The following KALRN variants were observed in gnomAD, a reference collection of about 807,000 sequenced individuals.
The protein encoded by KALRN is kalirin RhoGEF kinase.
A neutral mutation model predicts 353.7 loss-of-function variants in KALRN; 70 were observed. That is an observed-to-expected ratio of 0.20 (90% confidence interval 0.16 to 0.24). The LOEUF is 0.24. Ranked by LOEUF, KALRN falls within the 10% of genes least tolerant of loss-of-function variation. KALRN has a pLI of 1.00. For missense variants in KALRN, 2,791 were observed against 3,756.7 expected (o/e 0.74, Z 6.72); for synonymous variants, 1,391 against 1,434.8 (o/e 0.97, Z 0.69).
At chr3:124,703,874 T>A (rs1369896337) in intron 57 of KALRN, among the ~76,000 whole-genome samples, 1 of 152,132 alleles carries the variant, frequency 6.6e-6, no homozygotes, top group Non-Finnish European at 1.5e-5. Flanking sequence ...CTCACTATGT[T>A]GCCCAGGCTG....
At chr3:124,164,458 A>G (rs180912865) in intron 1 of KALRN, 1 of 152,346 alleles carries the variant, frequency 6.6e-6, no homozygotes, top group East Asian at 1.9e-4. Context: ...TGTTGCTTCA[A>G]ACTCTCTATT....
chr3:124,403,042 C>T (rs958181814), intron 13 of KALRN, among the ~76,000 whole-genome samples: 3 of 152,074 alleles, frequency 2.0e-5, no homozygotes. Context: ...TAACTGGACA[C>T]ATGAAAAAAA....
intron 34 of KALRN, among the ~76,000 whole-genome samples, chr3:124,588,277 G>A (rs2075415137): frequency 6.6e-6 from 1 of 152,164 alleles, no homozygotes; most frequent in Non-Finnish European, 1.5e-5. Context: ...GCTTTGACTA[G>A]CTAGACTGTC....
chr3:124,594,820 A>G (rs2076125887), intron 34 of KALRN, among the ~76,000 whole-genome samples: 1 of 152,146 alleles, frequency 6.6e-6, no homozygotes, highest in Non-Finnish European at 1.5e-5. Context: ...CTGGAGCCTC[A>G]GGATTTACCC....
chr3:124,272,473 C>T (rs925113392), intron 5 of KALRN, among the ~76,000 whole-genome samples: 1 of 152,026 alleles, frequency 6.6e-6, no homozygotes, highest in Non-Finnish European at 1.5e-5. Flanking sequence ...ATATATGATC[C>T]CTGAATTCTA....
chr3:124,556,132 A>G (rs1196850939), intron 33 of KALRN, among the ~76,000 whole-genome samples: 1 of 152,170 alleles, frequency 6.6e-6, no homozygotes, highest in Admixed American at 6.5e-5. Context: ...CATTCTTCCC[A>G]CTATTAATTA....
intron 1 of KALRN, among the ~76,000 whole-genome samples, chr3:124,122,364 A>T (rs2064127753): frequency 6.6e-6 from 1 of 152,100 alleles, no homozygotes; most frequent in Non-Finnish European, 1.5e-5. Flanking sequence ...GCATTTTTAT[A>T]ATGATATGCA....
chr3:124,421,031 T>C (rs1450584731), intron 14 of KALRN, among the ~76,000 whole-genome samples: 1 of 152,174 alleles, frequency 6.6e-6, no homozygotes, highest in Non-Finnish European at 1.5e-5. Flanking sequence ...CTGAACCCCA[T>C]CATTGGTTAG....
At chr3:124,439,224 A>ACACACACACACACC (rs2093594700) in intron 18 of KALRN, among the ~76,000 whole-genome samples, 187 bp downstream of exon 18, 1 of 150,992 alleles carries the variant, frequency 6.6e-6, no homozygotes, top group East Asian at 1.9e-4. Flanking sequence ...ACACACACAC[A>ACACACACACACACC]CACACACACA....
chr3:124,460,050 G>A (rs1034232339), intron 23 of KALRN, among the ~76,000 whole-genome samples: 1 of 152,198 alleles, frequency 6.6e-6, no homozygotes, highest in Admixed American at 6.5e-5. Flanking sequence ...CTCTCTCCTT[G>A]ATAGCTTGTA....
At chr3:124,037,595 A>T (rs892182111) in intron 1 of KALRN, among the ~76,000 whole-genome samples, 1 of 152,198 alleles carries the variant, frequency 6.6e-6, no homozygotes, top group Non-Finnish European at 1.5e-5. Flanking sequence ...ATATGATTTA[A>T]TAAGTGGAGA....
At chr3:124,391,398 C>T (rs1307925116) in intron 11 of KALRN, among the ~76,000 whole-genome samples, 2 of 152,138 alleles carry the variant, frequency 1.3e-5, no homozygotes, top group African/African-American at 4.8e-5. Flanking sequence ...GTTGCTGCTG[C>T]CAAGCTACCT....
At chr3:124,701,474 A>T (rs1406155203) in intron 56 of KALRN, among the ~76,000 whole-genome samples, 4 of 143,560 alleles carry the variant, frequency 2.8e-5, no homozygotes, top group African/African-American at 5.3e-5. Flanking sequence ...TGCAGCCTCG[A>T]CCTCCTGAGC....
intron 21 of KALRN, among the ~76,000 whole-genome samples, chr3:124,452,036 A>G (rs2058835319): frequency 6.6e-6 from 1 of 152,254 alleles, no homozygotes; most frequent in Non-Finnish European, 1.5e-5. Flanking sequence ...AGGACACCTC[A>G]GAAGTCACTG....
intron 1 of KALRN, among the ~76,000 whole-genome samples, chr3:124,188,570 C>A (rs374854588): frequency 1.3e-5 from 2 of 152,122 alleles, no homozygotes; most frequent in African/African-American, 4.8e-5. Flanking sequence ...AGCAGTGGGT[C>A]TTGTAATTAA....
chr3:124,136,942 G>C (rs188849937), intron 1 of KALRN, among the ~76,000 whole-genome samples: 1 of 152,130 alleles, frequency 6.6e-6, no homozygotes, highest in Non-Finnish European at 1.5e-5. Context: ...GGTGGGGAGC[G>C]AGGCCCTGAG....
intron 51 of KALRN, among the ~76,000 whole-genome samples, chr3:124,685,277 C>A (rs539394354): frequency 6.6e-6 from 1 of 152,210 alleles, no homozygotes; most frequent in East Asian, 1.9e-4. Flanking sequence ...TTATATTCCG[C>A]CACCAAGAGA....
chr3:124,232,789 T>C (rs1287484792), intron 2 of KALRN, among the ~76,000 whole-genome samples: 1 of 152,088 alleles, frequency 6.6e-6, no homozygotes, highest in African/African-American at 2.4e-5. Flanking sequence ...CCAAACTTCC[T>C]ATTCACTATT....
At chr3:124,210,611 AG>A (rs930183810) in intron 1 of KALRN, among the ~76,000 whole-genome samples, 5 of 152,136 alleles carry the variant, frequency 3.3e-5, no homozygotes, top group Non-Finnish European at 7.4e-5. Context: ...TTGAAAATGG[AG>A]GCCAGAAAGG....
Sources: gnomAD v4.1 joint callset for allele counts (sites outside exome capture counted in the v4.1 genomes callset) on GRCh38, gnomAD v4.1.1 for gene constraint, MANE v1.5 for transcripts, NCBI Gene and HGNC (gene_info 2026-07-23, HGNC 2026-07-21) for gene names.